The following SCN11A variants were observed in gnomAD, a reference collection of about 807,000 sequenced individuals.
The protein encoded by SCN11A is sodium channel protein type 11 subunit alpha.
A neutral mutation model predicts 162.2 loss-of-function variants in SCN11A; 122 were observed. That is an observed-to-expected ratio of 0.75 (90% CI 0.65 to 0.87). SCN11A has a LOEUF of 0.87. Among genes scored for constraint, SCN11A ranks in the 40% least tolerant of loss-of-function variants. SCN11A has a pLI of 0.00. For missense variants in SCN11A, 2,015 were observed against 2,181.6 expected (o/e 0.92, Z 1.52); for synonymous variants, 758 against 751.5 (o/e 1.01, Z -0.14).
intron 7 of SCN11A, among the ~76,000 whole-genome samples, chr3:38,936,841 T>C (rs2066340417): frequency 1.3e-5 from 2 of 152,158 alleles, no homozygotes; most frequent in Non-Finnish European, 2.9e-5. Flanking sequence ...AAGCTACCAA[T>C]GACTTTCTTC....
chr3:39,031,987 AAAAC>A (rs1444166473), intron 2 of SCN11A, among the ~76,000 whole-genome samples: 2 of 152,208 alleles, frequency 1.3e-5, no homozygotes, highest in African/African-American at 2.4e-5. Flanking sequence ...TACTAACATA[AAAAC>A]AAACAAAAAA....
chr3:38,990,888 T>C (rs1451425911), intron 2 of SCN11A, among the ~76,000 whole-genome samples: 1 of 151,738 alleles, frequency 6.6e-6, no homozygotes, highest in Non-Finnish European at 1.5e-5. Context: ...TTCAAGGCAG[T>C]AAAGGAGATG....
intron 14 of SCN11A, among the ~76,000 whole-genome samples, chr3:38,906,025 T>C: frequency 6.6e-6 from 1 of 152,220 alleles, no homozygotes; most frequent in Non-Finnish European, 1.5e-5. Flanking sequence ...GGGAACTATC[T>C]TTTTTGTGAT....
At position 39,030,091 on chromosome 3, in the gene SCN11A, TC is replaced by T. The variant is rs143577493; in HGVS notation, c.-280+2288del. 4.1e-3 allele frequency among the ~76,000 whole-genome samples: 626 copies of T among 152,344 alleles called. 9 individuals are homozygous for T. Among genetic ancestry groups the T allele is most frequent in the African/African-American group, 0.014 (594 of 41,586 alleles). ...GCATAAGGCAGAAACTGCTTAAAGA[TC>T]ATCTCTAGTCTTGCCCTTAGTGAAA... On this transcript the variant is annotated intron_variant, in intron 2 of 29. Transcript: ENST00000302328.
chr3:38,899,434 G>A (rs1397137262), intron 17 of SCN11A, among the ~76,000 whole-genome samples: 1 of 152,226 alleles, frequency 6.6e-6, no homozygotes, highest in African/African-American at 2.4e-5. Flanking sequence ...AAGGAAACTT[G>A]TGAGATAGAT....
At chr3:39,020,637 A>G (rs2031427258) in intron 2 of SCN11A, among the ~76,000 whole-genome samples, 1 of 152,282 alleles carries the variant, frequency 6.6e-6, no homozygotes, top group East Asian at 1.9e-4. Context: ...AGCTTCGGTC[A>G]CCCACAGAAG....
Position 38,847,234 on chromosome 3 carries a change from T to C in SCN11A, c.4836A>G (p.Glu1612=). ...VILENFNTAT[E]ESEDPLGEDD... ...CTTCACCCAAAGGGTCCTCACTTTC[T>C]TCAGTGGCTGTATTGAAGTTCTCTA... The change falls in exon 30 of 30, where the codon GAA becomes GAG. Residue 1612 remains glutamate (E), a synonymous_variant. Coordinates refer to ENST00000302328, the MANE Select transcript of SCN11A (RefSeq NM_001349253.2). 2 of 1,614,090 alleles carry C rather than the reference T, an allele frequency of 1.2e-6. No individual in the cohort carries two copies. The highest frequency in any genetic ancestry group is 1.7e-6 in the Non-Finnish European group (2 of 1,179,970).
At chr3:39,051,756 TAGGACCACACA>T (rs1209797238) in intron 1 of SCN11A, among the ~76,000 whole-genome samples, 94 bp downstream of exon 1, 1 of 152,186 alleles carries the variant, frequency 6.6e-6, no homozygotes, top group African/African-American at 2.4e-5. Context: ...AGCCAGGGTC[TAGGACCACACA>T]AGTGAATTCG....
chr3:39,024,998 T>A (rs1402413171), intron 2 of SCN11A, among the ~76,000 whole-genome samples: 4 of 152,130 alleles, frequency 2.6e-5, no homozygotes, highest in Non-Finnish European at 5.9e-5. Context: ...CCAAGTTGGT[T>A]TTTCAGCAAA....
At chr3:38,869,606 A>G (rs3924830) in intron 26 of SCN11A, among the ~76,000 whole-genome samples, 21,466 of 152,148 alleles carry the variant, frequency 0.14, 1,970 homozygotes, top group East Asian at 0.25. Flanking sequence ...GTGAATTTAT[A>G]ATGACAACTG....
intron 28 of SCN11A, among the ~76,000 whole-genome samples, chr3:38,856,988 T>TA (rs35920524): frequency 0.49 from 74,891 of 151,864 alleles, 18,581 homozygotes; most frequent in African/African-American, 0.54. Context: ...ATTTTAAATT[T>TA]AAAAAACACA....
At chr3:39,017,697 T>C (rs1018352383) in intron 2 of SCN11A, among the ~76,000 whole-genome samples, 1 of 152,224 alleles carries the variant, frequency 6.6e-6, no homozygotes, top group African/African-American at 2.4e-5. Context: ...ACAGTTTTCA[T>C]GTAGAAGTTC....
At chr3:38,898,295 A>C (rs1341316851) in intron 17 of SCN11A, among the ~76,000 whole-genome samples, 12 of 152,350 alleles carry the variant, frequency 7.9e-5, no homozygotes. Context: ...AATCATATGA[A>C]GTTCAAGTTT....
intron 28 of SCN11A, among the ~76,000 whole-genome samples, chr3:38,856,154 C>A (rs2064865688): frequency 6.6e-6 from 1 of 152,156 alleles, no homozygotes; most frequent in Non-Finnish European, 1.5e-5. Context: ...AAAGTCTGCA[C>A]CTCTAGCCCA....
chr3:38,945,336 C>T (rs988019063), intron 7 of SCN11A, 75 bp downstream of exon 7: 34 of 913,526 alleles, frequency 3.7e-5, no homozygotes, highest in Non-Finnish European at 8.6e-6. Flanking sequence ...TTCTTTCTCT[C>T]CAGTGTAATC....
intron 7 of SCN11A, among the ~76,000 whole-genome samples, chr3:38,928,114 G>T (rs2125555388): frequency 6.6e-6 from 1 of 152,268 alleles, no homozygotes; most frequent in Non-Finnish European, 1.5e-5. Context: ...TGCAAAAAAT[G>T]AAGTTAGAAT....
rs2066729858 is a variant in SCN11A at position 38,960,394 on chromosome 3, G to A, written c.-250C>T. Reference sequence around the variant, plus strand: ...GAGCTTCTGCTCCTGGCAGCTGCCTGGAGCCCTTCTGGGAGGAGCGGCTTG... The same window carrying A: ...GAGCTTCTGCTCCTGGCAGCTGCCTAGAGCCCTTCTGGGAGGAGCGGCTTG... On this transcript the variant is annotated 5_prime_UTR_variant, in exon 3 of 30. The change creates a premature stop within an existing upstream ORF in the 5' untranslated region. Coordinates refer to ENST00000302328, the MANE Select transcript of SCN11A (RefSeq NM_001349253.2). Among the ~76,000 whole-genome samples the A allele has an allele frequency of 6.6e-6, 1 of 152,176 alleles. No homozygotes were observed. The highest frequency in any genetic ancestry group is 2.4e-5 in the African/African-American group (1 of 41,432).
At chr3:39,032,876 G>A (rs1269945228) in intron 1 of SCN11A, among the ~76,000 whole-genome samples, 1 of 152,174 alleles carries the variant, frequency 6.6e-6, no homozygotes, top group Non-Finnish European at 1.5e-5. Flanking sequence ...AACTGGCCAG[G>A]CACAGTGGCT....
intron 7 of SCN11A, among the ~76,000 whole-genome samples, chr3:38,944,892 G>T (rs1269330291): frequency 6.6e-6 from 1 of 152,022 alleles, no homozygotes; most frequent in Admixed American, 6.5e-5. Context: ...GAACCTGGGA[G>T]GCAGAGGTTG....
Sources: gnomAD v4.1 joint callset for allele counts (sites outside exome capture counted in the v4.1 genomes callset) on GRCh38, gnomAD v4.1.1 for gene constraint, MANE v1.5 for transcripts, NCBI Gene and HGNC (gene_info 2026-07-23, HGNC 2026-07-21) for gene names.